LRIG3: variants seen among roughly 807,000 people sequenced by gnomAD.
LRIG3 encodes the protein leucine-rich repeats and immunoglobulin-like domains protein 3.
LRIG3 carries 76 observed loss-of-function variants against 114.5 expected under a neutral mutation model. That is an observed-to-expected ratio of 0.66 (90% CI 0.55 to 0.80). The LOEUF (loss-of-function observed/expected upper bound fraction) is 0.80, where lower values mean the gene tolerates loss of function less well. Among genes scored for constraint, LRIG3 ranks in the 30% least tolerant of loss-of-function variants. LRIG3 has a pLI of 0.00. For synonymous variants in LRIG3, 512 were observed against 519.8 expected (o/e 0.98, Z 0.20); for missense variants, 1,239 against 1,382.8 (o/e 0.90, Z 1.65).
Position 58,887,851 on chromosome 12 carries a change from C to A in LRIG3, c.1029G>T (p.Gly343=). Reference sequence around the variant, plus strand: ...CAGCAATGTAGCTGACTCTGTTGTTCCCAATGTGCAGTGTATTTAGTAAGC... The same window carrying A: ...CAGCAATGTAGCTGACTCTGTTGTTACCAATGTGCAGTGTATTTAGTAAGC... The part of the protein sequence containing the change: ...GLSLLNTLHI[G]NNRVSYIADC... The change falls in exon 8 of 19, where the codon GGG becomes GGT. Residue 343 remains glycine, a synonymous_variant. Transcript: ENST00000320743. 6.2e-7 allele frequency: 1 copy of A among 1,613,780 alleles called. No homozygotes were observed. The highest frequency in any genetic ancestry group is 1.1e-5 in the South Asian group (1 of 91,036).
chr12:58,920,059 G>C lies in LRIG3; in HGVS notation c.177C>G (p.Asp59Glu), dbSNP rs1872615279. Residue 59 changes from aspartate (D) to glutamate (E), a missense_variant, in exon 1 of 19, where the codon GAC (aspartate) becomes GAG (glutamate). Asp to Glu is a conservative substitution (Grantham distance 45). Coordinates refer to ENST00000320743, the MANE Select transcript of LRIG3 (RefSeq NM_153377.5). Reference protein sequence around the residue: ...TTCRCLGDLLDCSRKRLARLP... With the variant: ...TTCRCLGDLLECSRKRLARLP... Reference sequence around the variant, plus strand: ...GACGCGCTAGCCGCTTACGACTGCAGTCCAGCAGGTCCCCGAGGCAGCGGC... The same window carrying C: ...GACGCGCTAGCCGCTTACGACTGCACTCCAGCAGGTCCCCGAGGCAGCGGC... 6 of 1,555,910 alleles carry C rather than the reference G, an allele frequency of 3.9e-6. No individual in the cohort carries two copies. Among genetic ancestry groups the C allele is most frequent in the Non-Finnish European group, 5.2e-6 (6 of 1,149,994 alleles).
At chr12:58,873,199 A>G (rs1253565907) in intron 18 of LRIG3, among the ~76,000 whole-genome samples, 2 of 152,214 alleles carry the variant, frequency 1.3e-5, no homozygotes. Context: ...GGCTAAATAA[A>G]GAAATTTTCT....
chr12:58,886,049 C>T (rs189883280), intron 9 of LRIG3, 147 bp from the exon 10 acceptor site: 1 of 353,372 alleles, frequency 2.8e-6, no homozygotes, highest in Admixed American at 3.9e-5. Context: ...GTGTCCATGC[C>T]ATCTATTTCA....
At chr12:58,895,964 T>C (rs948998020) in intron 3 of LRIG3, among the ~76,000 whole-genome samples, 2 of 152,296 alleles carry the variant, frequency 1.3e-5, no homozygotes, top group East Asian at 1.9e-4. Context: ...TCAGCTCTAC[T>C]GGAGTTCTCA....
intron 9 of LRIG3, 72 bp from the exon 10 acceptor site, chr12:58,885,974 C>T: frequency 1.1e-6 from 1 of 909,756 alleles, no homozygotes; most frequent in Non-Finnish European, 1.7e-6. Flanking sequence ...ATAAACAGAA[C>T]TGCTTTTTAA....
Position 58,877,724 on chromosome 12 carries a change from C to T in LRIG3, c.2212G>A (p.Val738Met), listed in dbSNP as rs1265182714. The T allele has an allele frequency of 9.9e-6, 16 of 1,614,074 alleles. No homozygotes were observed. The highest frequency in any genetic ancestry group is 1.7e-5 in the Admixed American group (1 of 60,014). Residue 738 changes from valine to methionine, a missense_variant, in exon 15 of 19, where the codon GTG becomes ATG. By Grantham distance (21) the Val-to-Met change is conservative. Transcript: ENST00000320743. ...LNWTKDDSPL[V>M]VTERHFFAAG... ...GCAAAAAAGTGCCTCTCGGTTACCA[C>T]CAATGGGCTATCATCTTTGGTCCAG...
At position 58,890,703 on chromosome 12, in the gene LRIG3, C is replaced by A. The variant is rs755395341; in HGVS notation, c.477G>T (p.Glu159Asp). Residue 159 changes from glutamate to aspartate, a missense_variant, in exon 4 of 19, where the codon GAG becomes GAT. Transcript: ENST00000320743. Reference sequence around the variant, plus strand: ...GTAGGGCTGGAAATGCAGTTTGGAGCTCTGAAATATTGTTGCTGCTAAGGT... The same window carrying A: ...GTAGGGCTGGAAATGCAGTTTGGAGATCTGAAATATTGTTGCTGCTAAGGT... The part of the protein sequence containing the change: ...TLDLSSNNIS[E>D]LQTAFPALQL... The A allele has an allele frequency of 6.2e-7, 1 of 1,607,380 alleles. No individual in the cohort carries two copies. The highest frequency in any genetic ancestry group is 1.1e-5 in the South Asian group (1 of 89,266).
rs756785803 is a variant in LRIG3, at chr12:58,880,621, A to G, written c.1761T>C (p.Phe587=). ...TGGCTTTGACAGAGTAGGATGAACCAAAGTGATTGGAGATGACACACTGAT... is the reference window on the plus strand; with the variant it reads ...TGGCTTTGACAGAGTAGGATGAACCGAAGTGATTGGAGATGACACACTGAT... The part of the protein sequence containing the change: ...GKYQCVISNH[F]GSSYSVKAKL... The change falls in exon 13 of 19, where the codon TTT becomes TTC. Residue 587 remains phenylalanine, a synonymous_variant. Coordinates refer to ENST00000320743, the MANE Select transcript of LRIG3 (RefSeq NM_153377.5). 3 of 1,614,000 alleles carry G rather than the reference A, an allele frequency of 1.9e-6. No individual in the cohort carries two copies.
chr12:58,897,255 C>T (rs966336906), intron 3 of LRIG3, among the ~76,000 whole-genome samples: 1 of 152,308 alleles, frequency 6.6e-6, no homozygotes, highest in Non-Finnish European at 1.5e-5. Flanking sequence ...ATTAAGGACA[C>T]TAACCAGCAA....
At chr12:58,915,264 G>A (rs946032408) in intron 1 of LRIG3, among the ~76,000 whole-genome samples, 1 of 152,094 alleles carries the variant, frequency 6.6e-6, no homozygotes, top group Admixed American at 6.5e-5. Flanking sequence ...TGAAAAACCG[G>A]GATAACAAAT....
intron 3 of LRIG3, 22 bp from the exon 4 acceptor site, chr12:58,890,818 G>A: frequency 6.3e-7 from 1 of 1,588,474 alleles, no homozygotes; most frequent in Non-Finnish European, 8.5e-7. Flanking sequence ...AGAAACCACA[G>A]TTAACAAGGT....
At chr12:58,873,134 T>C (rs1454709507) in intron 18 of LRIG3, among the ~76,000 whole-genome samples, 1 of 152,200 alleles carries the variant, frequency 6.6e-6, no homozygotes, top group Non-Finnish European at 1.5e-5. Context: ...ACATCCTAGC[T>C]GAGAGCCCAA....
Position 58,880,969 on chromosome 12 carries a change from T to C in LRIG3, c.1481-68A>G, listed in dbSNP as rs972514451. 3 of 1,454,020 alleles carry C rather than the reference T, an allele frequency of 2.1e-6. No individual in the cohort carries two copies. In the African/African-American group the frequency reaches 4.2e-5, roughly 21 times the overall value. The allele number at this position is 1,454,020 out of a possible 1,614,324, so 90.1% of individuals were successfully genotyped here. ...CAAGAGTCCAAATACTACTCAAATT[T>C]GAACACCAAGAAATGCAAAAACAGT... On this transcript the variant is annotated intron_variant, in intron 12 of 18. Transcript: ENST00000320743.
intron 3 of LRIG3, among the ~76,000 whole-genome samples, chr12:58,899,328 T>C (rs751740778): frequency 2.7e-4 from 41 of 152,216 alleles, no homozygotes; most frequent in Non-Finnish European, 1.0e-4. Flanking sequence ...AGTTTTCTCC[T>C]TTCCATTTCC....
intron 1 of LRIG3, among the ~76,000 whole-genome samples, chr12:58,917,459 C>G (rs772931916): frequency 6.6e-6 from 1 of 152,102 alleles, no homozygotes; most frequent in African/African-American, 2.4e-5. Context: ...GGCGTAGTTA[C>G]TGGGTTGTTT....
intron 1 of LRIG3, among the ~76,000 whole-genome samples, chr12:58,917,017 A>G (rs1267024803): frequency 1.3e-5 from 2 of 152,190 alleles, no homozygotes; most frequent in Non-Finnish European, 2.9e-5. Context: ...GCCAGGCTAT[A>G]GCTGTTTTAA....
chr12:58,894,169 C>A (rs1871553513), intron 3 of LRIG3, among the ~76,000 whole-genome samples: 1 of 152,210 alleles, frequency 6.6e-6, no homozygotes, highest in South Asian at 2.1e-4. Context: ...CCAAAGCCAG[C>A]AATTTCCTGA....
At chr12:58,878,743 A>T (rs1592293874) in intron 14 of LRIG3, 81 bp downstream of exon 14, 2 of 1,481,154 alleles carry the variant, frequency 1.4e-6, no homozygotes, top group East Asian at 2.3e-5. Flanking sequence ...TACTCTCACA[A>T]CTTCTGATAC....
chr12:58,898,948 C>A (rs186766899), intron 3 of LRIG3, among the ~76,000 whole-genome samples: 13 of 152,218 alleles, frequency 8.5e-5, no homozygotes, highest in Admixed American at 7.2e-4. Context: ...GGAGCCACCA[C>A]GCCCAGCCTC....
Sources: gnomAD v4.1 joint callset for allele counts (sites outside exome capture counted in the v4.1 genomes callset) on GRCh38, gnomAD v4.1.1 for gene constraint, MANE v1.5 for transcripts, NCBI Gene and HGNC (gene_info 2026-07-23, HGNC 2026-07-21) for gene names.